Variants in WRN observed in about 807,000 individuals in gnomAD.
WRN encodes WRN RecQ like helicase.
Under a neutral mutation model 180.7 loss-of-function variants are expected in WRN, and 149 were observed. That is an observed-to-expected ratio of 0.82 (90% CI 0.72 to 0.94). The LOEUF (loss-of-function observed/expected upper bound fraction) is 0.94, where lower values mean the gene tolerates loss of function less well. Among genes scored for constraint, WRN ranks in the 40% least tolerant of loss-of-function variants. The pLI, the probability that WRN is intolerant of heterozygous loss-of-function variation, is 0.00. For missense variants in WRN, 1,661 were observed against 1,700.1 expected (o/e 0.98, Z 0.40); for synonymous variants, 548 against 568.9 (o/e 0.96, Z 0.52).
chr8:31,136,103 G>C (rs887934107), intron 24 of WRN, among the ~76,000 whole-genome samples: 33 of 152,154 alleles, frequency 2.2e-4, no homozygotes, highest in African/African-American at 7.7e-4. Context: ...CAGTTCAAGC[G>C]ATCCTACTTC....
At position 31,174,209 on chromosome 8, in the gene WRN, T is replaced by C. The variant is rs1358973236; in HGVS notation, c.*1107T>C. On this transcript the variant is annotated 3_prime_UTR_variant, in exon 35 of 35. Coordinates refer to ENST00000298139, the MANE Select transcript of WRN (RefSeq NM_000553.6). ...CCAGAAGGTAGTGGCGCCTATTAAA[T>C]ATGTGATATGTTGTTGTCCAGCCAT... Among the ~76,000 whole-genome samples the C allele has an allele frequency of 1.3e-5, 2 of 152,232 alleles. No individual in the cohort carries two copies. Among genetic ancestry groups the C allele is most frequent in the Non-Finnish European group, 2.9e-5 (2 of 68,044 alleles).
In WRN at chr8:31,083,256, G is replaced by T. The variant is rs1385039534; in HGVS notation, c.1270-443G>T. ...TTTGTAAAATACTGATTTATTTAAAGATATTACAATCATAGTAGTTTTTTG... is the reference window on the plus strand; with the variant it reads ...TTTGTAAAATACTGATTTATTTAAATATATTACAATCATAGTAGTTTTTTG... On this transcript the variant is annotated intron_variant, in intron 9 of 34. Transcript: ENST00000298139. 2.6e-5 allele frequency among the ~76,000 whole-genome samples: 4 copies of T among 152,264 alleles called. No individual in the cohort carries two copies. The East Asian group carries it at 5.8e-4, about 22-fold the overall frequency.
At chr8:31,111,506 C>T (rs1801313567) in intron 18 of WRN, 109 bp from the exon 19 acceptor site, 1 of 1,352,620 alleles carries the variant, frequency 7.4e-7, no homozygotes. Flanking sequence ...GTGTCTTTAA[C>T]ATTGTACCAC....
At chr8:31,168,100 G>A (rs1803968882) in intron 34 of WRN, among the ~76,000 whole-genome samples, 1 of 151,996 alleles carries the variant, frequency 6.6e-6, no homozygotes, top group African/African-American at 2.4e-5. Flanking sequence ...TAAAAATAAG[G>A]GAACTGATCT....
At chr8:31,040,266 C>G (rs990472175) in intron 1 of WRN, among the ~76,000 whole-genome samples, 1 of 152,064 alleles carries the variant, frequency 6.6e-6, no homozygotes, top group Non-Finnish European at 1.5e-5. Flanking sequence ...ATTCAAATAT[C>G]CAGTAAATAA....
At chr8:31,096,884 A>C in intron 17 of WRN, 34 bp downstream of exon 17, 1 of 1,576,936 alleles carries the variant, frequency 6.3e-7, no homozygotes, top group Non-Finnish European at 8.7e-7. Flanking sequence ...GTAAATACTT[A>C]CTGAGTTAAT....
At position 31,083,698 on chromosome 8, in the gene WRN, G is replaced by T. The variant is rs749591706; in HGVS notation, c.1270-1G>T. 6.2e-7 allele frequency: 1 copy of T among 1,610,474 alleles called. No homozygotes were observed. Among genetic ancestry groups the T allele is most frequent in the Non-Finnish European group, 8.5e-7 (1 of 1,177,382 alleles). On this transcript the variant is annotated splice_acceptor_variant, in intron 9 of 34. Coordinates refer to ENST00000298139, the MANE Select transcript of WRN (RefSeq NM_000553.6). LOFTEE classifies it high-confidence loss of function. ...ATTAATGCTTAATACTTTTTTTAAA[G>T]CATTTATCTCCCAATGATAATGAAA...
At chr8:31,063,288 T>C (rs1405270548) in intron 3 of WRN, among the ~76,000 whole-genome samples, 2 of 152,266 alleles carry the variant, frequency 1.3e-5, no homozygotes, top group Admixed American at 6.5e-5. Flanking sequence ...GAATTTTTCT[T>C]GTTGATCTGT....
intron 24 of WRN, among the ~76,000 whole-genome samples, chr8:31,136,020 A>G (rs1331258203): frequency 6.6e-6 from 1 of 152,092 alleles, no homozygotes; most frequent in African/African-American, 2.4e-5. Flanking sequence ...TTATAAAGGG[A>G]AAGAATGTGA....
At chr8:31,147,779 C>G (rs1729945423) in intron 30 of WRN, among the ~76,000 whole-genome samples, 1 of 152,060 alleles carries the variant, frequency 6.6e-6, no homozygotes, top group Non-Finnish European at 1.5e-5. Flanking sequence ...TTTTGATTAT[C>G]TTACCATCAC....
chr8:31,150,228 A>G lies in WRN; in HGVS notation c.3573-113A>G, dbSNP rs1302957787. On this transcript the variant is annotated intron_variant, in intron 30 of 34. Transcript: ENST00000298139. ...TGTTTTTGGTTGTTGGAAAAACTATACATTTATTGAGAGAATCATTAGGAA... is the reference window on the plus strand; with the variant it reads ...TGTTTTTGGTTGTTGGAAAAACTATGCATTTATTGAGAGAATCATTAGGAA... The G allele has an allele frequency of 3.2e-5, 27 of 847,058 alleles. No homozygotes were observed. In the East Asian group the frequency reaches 6.2e-4, roughly 19 times the overall value. The allele number at this position is 847,058 out of a possible 1,614,324, so 52.5% of individuals were successfully genotyped here. A position where few individuals can be genotyped will look rare whatever the true frequency, so the allele number is the denominator to read the frequency against.
Position 31,096,770 on chromosome 8 carries a change from G to A in WRN, c.1901G>A (p.Gly634Asp), listed in dbSNP as rs759533715. ...TTTTCTTTTGTTTGTTTTTACAGAGGTAAATACCGGATTGTATACGTAACT... is the reference window on the plus strand; with the variant it reads ...TTTTCTTTTGTTTGTTTTTACAGAGATAAATACCGGATTGTATACGTAACT... ...SENVLTDIKL[G>D]KYRIVYVTPE... Residue 634 changes from glycine to aspartate, a missense_variant and splice_region_variant, in exon 17 of 35, where the codon GGT (glycine) becomes GAT (aspartate). Coordinates refer to ENST00000298139, the MANE Select transcript of WRN (RefSeq NM_000553.6). 3.7e-5 allele frequency: 60 copies of A among 1,608,050 alleles called. No homozygotes were observed. The highest frequency in any genetic ancestry group is 4.3e-5 in the Non-Finnish European group (51 of 1,178,396).
rs575529060 is a variant in WRN at position 31,130,902 on chromosome 8, A to G, written c.2826-1463A>G. Among the ~76,000 whole-genome samples the G allele has an allele frequency of 5.3e-5, 8 of 152,292 alleles. No individual in the cohort carries two copies. In the South Asian group the frequency reaches 1.7e-3, roughly 32 times the overall value. ...AAATAACATCCTGGAGTATAAAGAT[A>G]AGAGCTGAATGAGCAGGCCACTAGG... is the stretch of plus-strand genomic sequence containing the variant. On this transcript the variant is annotated intron_variant, in intron 23 of 34. Transcript: ENST00000298139.
intron 33 of WRN, among the ~76,000 whole-genome samples, chr8:31,159,822 G>A (rs2130490149): frequency 6.6e-6 from 1 of 151,792 alleles, no homozygotes; most frequent in Admixed American, 6.6e-5. Flanking sequence ...GCATGCGCCT[G>A]TAATCCCAGC....
intron 7 of WRN, among the ~76,000 whole-genome samples, chr8:31,071,682 A>G (rs1159293885): frequency 6.6e-6 from 1 of 152,058 alleles, no homozygotes; most frequent in Non-Finnish European, 1.5e-5. Flanking sequence ...TGGTTTCGCC[A>G]TGTTGGCCAG....
In WRN at chr8:31,175,218, C is replaced by T. The variant is rs1442138492; in HGVS notation, c.*2116C>T. Among the ~76,000 whole-genome samples the T allele has an allele frequency of 2.0e-5, 3 of 152,018 alleles. No homozygotes were observed. The highest frequency in any genetic ancestry group is 4.8e-5 in the African/African-American group (2 of 41,386). On this transcript the variant is annotated 3_prime_UTR_variant, in exon 35 of 35. Transcript: ENST00000298139. ...TTGGGAGGCCGAGGCGGGCGGATCACGAGATCAGGAGATCGAGACCACCCT... is the reference window on the plus strand; with the variant it reads ...TTGGGAGGCCGAGGCGGGCGGATCATGAGATCAGGAGATCGAGACCACCCT...
intron 34 of WRN, 150 bp from the exon 35 acceptor site, chr8:31,172,845 C>A: frequency 1.5e-6 from 1 of 654,712 alleles, no homozygotes; most frequent in Non-Finnish European, 2.6e-6. Flanking sequence ...ACTTTTTGAT[C>A]CAGAAATAAA....
intron 10 of WRN, among the ~76,000 whole-genome samples, chr8:31,084,520 T>G (rs2130137339): frequency 6.6e-6 from 1 of 152,326 alleles, no homozygotes; most frequent in South Asian, 2.1e-4. Flanking sequence ...TACTTTCTGT[T>G]TAAATGTTTG....
chr8:31,124,501 T>C, intron 21 of WRN, 21 bp from the exon 22 acceptor site: 1 of 1,569,114 alleles, frequency 6.4e-7, no homozygotes. Flanking sequence ...TACATATTCC[T>C]GTGATGTTTT....
Sources: gnomAD v4.1 joint callset for allele counts (sites outside exome capture counted in the v4.1 genomes callset) on GRCh38, gnomAD v4.1.1 for gene constraint, MANE v1.5 for transcripts, NCBI Gene and HGNC (gene_info 2026-07-23, HGNC 2026-07-21) for gene names.